Variants in TENM3 observed in about 807,000 individuals in gnomAD.
TENM3 encodes the protein teneurin-3.
Under a neutral mutation model 255.1 loss-of-function variants are expected in TENM3, and 63 were observed. The ratio of observed to expected loss-of-function variants is 0.25; its 90% CI spans 0.20 to 0.30. The LOEUF is 0.30. Ranked by LOEUF, TENM3 falls within the 10% of genes least tolerant of loss-of-function variation. The pLI is 1.00. For missense variants in TENM3, 2,929 were observed against 3,461.1 expected (o/e 0.85, Z 3.86); for synonymous variants, 1,306 against 1,322.3 (o/e 0.99, Z 0.27).
chr4:181,522,153 T>C, the TENM3 span, among the ~76,000 whole-genome samples: 1 of 136,422 alleles, frequency 7.3e-6, no homozygotes, highest in Non-Finnish European at 1.5e-5. Flanking sequence ...GTGGAGAGAG[T>C]GTATTACTCA....
At chr4:181,686,096 A>G in the TENM3 span, among the ~76,000 whole-genome samples, 2 of 152,118 alleles carry the variant, frequency 1.3e-5, no homozygotes, top group African/African-American at 4.8e-5. Context: ...CTGGCAAACT[A>G]GTTTTACTCA....
At chr4:182,626,453 A>G (rs1002283546) in intron 4 of TENM3, among the ~76,000 whole-genome samples, 1 of 152,228 alleles carries the variant, frequency 6.6e-6, no homozygotes, top group African/African-American at 2.4e-5. Context: ...ACTAATGTAA[A>G]CACTTTATAT....
the TENM3 span, among the ~76,000 whole-genome samples, chr4:181,608,227 T>G: frequency 6.6e-6 from 1 of 152,306 alleles, no homozygotes; most frequent in South Asian, 2.1e-4. Context: ...AGAAACAATT[T>G]AGAGAAATTT....
At chr4:182,321,388 G>A (rs1017126118) in intron 1 of TENM3, among the ~76,000 whole-genome samples, 1 of 152,122 alleles carries the variant, frequency 6.6e-6, no homozygotes, top group African/African-American at 2.4e-5. Context: ...CACTTTGAGA[G>A]GCCAAGGCAG....
the TENM3 span, among the ~76,000 whole-genome samples, chr4:181,646,768 G>C: frequency 2.6e-5 from 4 of 152,106 alleles, no homozygotes; most frequent in East Asian, 7.7e-4. Context: ...TGCCTCCCCT[G>C]GGTACAATAT....
chr4:182,786,577 A>G (rs1378036337), intron 24 of TENM3, among the ~76,000 whole-genome samples: 4 of 151,650 alleles, frequency 2.6e-5, no homozygotes, highest in African/African-American at 9.7e-5. Flanking sequence ...AAAAAAAAGA[A>G]ATCAGATGCC....
intron 22 of TENM3, among the ~76,000 whole-genome samples, chr4:182,766,537 G>A (rs193227768): frequency 1.2e-4 from 18 of 152,254 alleles, no homozygotes; most frequent in Admixed American, 3.3e-4. Flanking sequence ...TTATCACTTT[G>A]TCAGTTCTCC....
the TENM3 span, among the ~76,000 whole-genome samples, chr4:181,886,935 A>G: frequency 6.6e-6 from 1 of 152,186 alleles, no homozygotes; most frequent in Non-Finnish European, 1.5e-5. Context: ...ACCATGAGGA[A>G]AGTTTTCCAT....
At chr4:181,828,009 T>A in the TENM3 span, among the ~76,000 whole-genome samples, 1 of 152,184 alleles carries the variant, frequency 6.6e-6, no homozygotes, top group Admixed American at 6.5e-5. Flanking sequence ...CCAGCCTGGC[T>A]TCCAGAAAGA....
At chr4:182,565,345 C>T (rs919438021) in intron 3 of TENM3, among the ~76,000 whole-genome samples, 1 of 152,104 alleles carries the variant, frequency 6.6e-6, no homozygotes, top group Non-Finnish European at 1.5e-5. Context: ...ATTGAAGATA[C>T]AATTAAATTA....
Position 182,763,519 on chromosome 4 carries a change from C to T in TENM3, c.4892+8260C>T, listed in dbSNP as rs749629646. Among the ~76,000 whole-genome samples, 314 of 151,572 alleles carry T rather than the reference C, an allele frequency of 2.1e-3. 2 individuals carry two copies. The highest frequency in any genetic ancestry group is 4.0e-3 in the Non-Finnish European group (271 of 67,940). ...GTTGGAGCTTGCAGTGAGCCCAGAT[C>T]GTGCCAGCCTGGGCGACAGAGTGAG... On this transcript the variant is annotated intron_variant, in intron 22 of 27. Transcript: ENST00000511685.
At chr4:182,005,640 AT>A in the TENM3 span, among the ~76,000 whole-genome samples, 1 of 152,190 alleles carries the variant, frequency 6.6e-6, no homozygotes, top group Non-Finnish European at 1.5e-5. Flanking sequence ...ATAGCATTGA[AT>A]CTATAAATTA....
At chr4:182,610,437 T>C (rs571619143) in intron 4 of TENM3, among the ~76,000 whole-genome samples, 2 of 152,224 alleles carry the variant, frequency 1.3e-5, no homozygotes, top group East Asian at 3.9e-4. Context: ...TCCCAGCACT[T>C]TGGGAGGCTG....
the TENM3 span, among the ~76,000 whole-genome samples, chr4:181,815,203 G>A: frequency 6.6e-6 from 1 of 151,812 alleles, no homozygotes; most frequent in Non-Finnish European, 1.5e-5. Flanking sequence ...TGTAATCCCA[G>A]CACTTTGGGA....
At chr4:182,109,211 TTA>T in the TENM3 span, among the ~76,000 whole-genome samples, 3 of 145,186 alleles carry the variant, frequency 2.1e-5, no homozygotes, top group South Asian at 2.2e-4. Flanking sequence ...ATTTATATAT[TTA>T]TATATATTAT....
At chr4:182,416,714 G>T (rs1234970716) in intron 3 of TENM3, among the ~76,000 whole-genome samples, 1 of 152,128 alleles carries the variant, frequency 6.6e-6, no homozygotes, top group East Asian at 1.9e-4. Context: ...ATTCTAGATA[G>T]AATTTATTGT....
intron 13 of TENM3, among the ~76,000 whole-genome samples, chr4:182,723,699 G>A (rs1012723487): frequency 2.0e-5 from 3 of 152,208 alleles, no homozygotes; most frequent in African/African-American, 4.8e-5. Context: ...CAAGAGTGAT[G>A]TGTAAAGTAT....
At chr4:182,152,722 A>G (rs1750427130) in intron 1 of TENM3, among the ~76,000 whole-genome samples, 2 of 146,940 alleles carry the variant, frequency 1.4e-5, no homozygotes, top group Admixed American at 6.8e-5. Context: ...TACTAAAGAT[A>G]AAGTACTTTA....
At chr4:182,210,791 CTCT>C (rs1754974824) in intron 1 of TENM3, among the ~76,000 whole-genome samples, 1 of 152,166 alleles carries the variant, frequency 6.6e-6, no homozygotes, top group Non-Finnish European at 1.5e-5. Context: ...GTCTTCCCCA[CTCT>C]TCCTGCTCCC....
Sources: gnomAD v4.1 joint callset for allele counts (sites outside exome capture counted in the v4.1 genomes callset) on GRCh38, gnomAD v4.1.1 for gene constraint, MANE v1.5 for transcripts, NCBI Gene and HGNC (gene_info 2026-07-23, HGNC 2026-07-21) for gene names.